Variants in NDST3 observed in about 807,000 individuals in gnomAD.
The protein encoded by NDST3 is N-deacetylase and N-sulfotransferase 3, also known as bifunctional heparan sulfate N-deacetylase/N-sulfotransferase 3.
In NDST3, 58 loss-of-function variants were observed where a neutral mutation model predicts 96.1. The observed-to-expected ratio is 0.60, with a 90% CI of 0.49 to 0.75. The LOEUF (loss-of-function observed/expected upper bound fraction) is 0.75. NDST3 is among the 30% of genes least tolerant of loss of function. The pLI, the probability that NDST3 is intolerant of heterozygous loss-of-function variation, is 0.00. For missense variants in NDST3, 788 were observed against 1,034.2 expected, an observed-to-expected ratio of 0.76 and a Z score of 3.27; for synonymous variants, 333 against 359.7, an observed-to-expected ratio of 0.93 and a Z score of 0.84.
At chr4:118,131,756 T>C (rs920285652) in intron 4 of NDST3, among the ~76,000 whole-genome samples, 2 of 152,052 alleles carry the variant, frequency 1.3e-5, no homozygotes, top group African/African-American at 2.4e-5. Flanking sequence ...TTTCAGATAT[T>C]TGAAGCTGCT....
intron 6 of NDST3, among the ~76,000 whole-genome samples, chr4:118,170,210 C>T (rs1242119318): frequency 3.3e-5 from 5 of 152,044 alleles, no homozygotes; most frequent in Admixed American, 6.6e-5. Flanking sequence ...TAGAATTTAC[C>T]ACAGACAACA....
intron 6 of NDST3, among the ~76,000 whole-genome samples, chr4:118,146,465 G>A (rs905975583): frequency 3.3e-5 from 5 of 152,008 alleles, no homozygotes; most frequent in Non-Finnish European, 5.9e-5. Context: ...ATAATATCAA[G>A]GTGCTATACT....
intron 1 of NDST3, among the ~76,000 whole-genome samples, chr4:118,038,045 G>T (rs1403855251): frequency 6.6e-6 from 1 of 152,046 alleles, no homozygotes; most frequent in Non-Finnish European, 1.5e-5. Flanking sequence ...TACATCTAAT[G>T]GTCCAGGCAA....
At chr4:118,194,780 T>G (rs1298472429) in intron 6 of NDST3, 2 of 423,804 alleles carry the variant, frequency 4.7e-6, no homozygotes, top group Admixed American at 7.3e-5. Context: ...TTCTGGGAGC[T>G]GGCACCGGCA....
At chr4:118,236,633 T>C (rs1740663837) in intron 9 of NDST3, among the ~76,000 whole-genome samples, 3 of 152,214 alleles carry the variant, frequency 2.0e-5, no homozygotes, top group Admixed American at 6.5e-5. Context: ...AAAAATATTT[T>C]CTCTAAATCC....
At chr4:118,097,522 A>G (rs1258006398) in intron 2 of NDST3, among the ~76,000 whole-genome samples, 1 of 151,934 alleles carries the variant, frequency 6.6e-6, no homozygotes, top group African/African-American at 2.4e-5. Flanking sequence ...CTATATCAAA[A>G]TCACCCAGGG....
intron 2 of NDST3, among the ~76,000 whole-genome samples, chr4:118,093,489 T>G (rs771380630): frequency 6.6e-5 from 10 of 151,896 alleles, no homozygotes; most frequent in Non-Finnish European, 2.9e-5. Context: ...GGGACTATAA[T>G]TCAGTGAAGC....
chr4:118,149,145 T>C (rs1207916716), intron 6 of NDST3, among the ~76,000 whole-genome samples: 1 of 152,196 alleles, frequency 6.6e-6, no homozygotes, highest in Admixed American at 6.5e-5. Context: ...CCATGCTGTT[T>C]TGGTTACTGT....
At chr4:118,126,938 T>C (rs1054266955) in intron 4 of NDST3, among the ~76,000 whole-genome samples, 1 of 152,144 alleles carries the variant, frequency 6.6e-6, no homozygotes, top group Non-Finnish European at 1.5e-5. Context: ...ATTTCTCTGA[T>C]GATCAGTGAT....
At chr4:118,152,045 T>C (rs1734434466) in intron 6 of NDST3, among the ~76,000 whole-genome samples, 1 of 152,234 alleles carries the variant, frequency 6.6e-6, no homozygotes, top group South Asian at 2.1e-4. Flanking sequence ...TACCTAGTTT[T>C]TTATTTTGCA....
intron 6 of NDST3, among the ~76,000 whole-genome samples, chr4:118,146,445 A>G (rs1477848571): frequency 1.3e-5 from 2 of 152,288 alleles, no homozygotes; most frequent in African/African-American, 4.8e-5. Context: ...AGTTTTTCCC[A>G]TATGTCAACA....
intron 5 of NDST3, 34 bp from the exon 6 acceptor site, chr4:118,143,522 A>G (rs767102073): frequency 6.3e-7 from 1 of 1,583,800 alleles, no homozygotes; most frequent in Non-Finnish European, 8.5e-7. Flanking sequence ...GGAAAAAAAA[A>G]AGCTTTTCCT....
chr4:118,161,470 C>T (rs1735125673), intron 6 of NDST3, among the ~76,000 whole-genome samples: 1 of 152,164 alleles, frequency 6.6e-6, no homozygotes, highest in Non-Finnish European at 1.5e-5. Flanking sequence ...GCCCTGCCCC[C>T]AGAGGTGGAG....
chr4:118,248,347 T>C (rs982498903), intron 12 of NDST3, among the ~76,000 whole-genome samples: 5 of 150,472 alleles, frequency 3.3e-5, no homozygotes, highest in East Asian at 1.9e-4. Context: ...CAAAACTCCA[T>C]CTCAAAAAAA....
At chr4:118,067,921 A>G (rs1726729114) in intron 2 of NDST3, among the ~76,000 whole-genome samples, 1 of 152,034 alleles carries the variant, frequency 6.6e-6, no homozygotes, top group Admixed American at 6.6e-5. Flanking sequence ...TAAAATAAGT[A>G]AATAAATAAA....
At chr4:118,207,687 C>T (rs781087825) in intron 6 of NDST3, among the ~76,000 whole-genome samples, 1 of 145,030 alleles carries the variant, frequency 6.9e-6, no homozygotes, top group Non-Finnish European at 1.5e-5. Context: ...CCTTCCCTAA[C>T]AAGGTGAATT....
intron 2 of NDST3, among the ~76,000 whole-genome samples, chr4:118,093,712 G>T (rs1013414200): frequency 1.3e-5 from 2 of 151,756 alleles, no homozygotes; most frequent in Non-Finnish European, 2.9e-5. Flanking sequence ...AGACCTATAT[G>T]TATGTAAAAT....
intron 1 of NDST3, among the ~76,000 whole-genome samples, chr4:118,046,659 A>C (rs1367279219): frequency 1.3e-5 from 2 of 152,146 alleles, no homozygotes; most frequent in Non-Finnish European, 2.9e-5. Flanking sequence ...CCCAGAATCC[A>C]ACTCCAAGTA....
At chr4:118,095,298 A>G (rs2125836812) in intron 2 of NDST3, among the ~76,000 whole-genome samples, 1 of 151,948 alleles carries the variant, frequency 6.6e-6, no homozygotes, top group East Asian at 1.9e-4. Context: ...AGTGAGTAGG[A>G]AAGGAAATGA....
Sources: allele counts gnomAD v4.1 joint callset (sites outside exome capture counted in the v4.1 genomes callset), GRCh38; gene constraint gnomAD v4.1.1; transcripts MANE v1.5; gene names NCBI Gene and HGNC (gene_info 2026-07-23, HGNC 2026-07-21).